The following PPM1D variants were observed in gnomAD, a reference collection of about 807,000 sequenced individuals.
PPM1D encodes protein phosphatase 1D.
Under a neutral mutation model 58.3 loss-of-function variants are expected in PPM1D, and 52 were observed. That is an observed-to-expected ratio of 0.89 (90% CI 0.71 to 1.12). The LOEUF (loss-of-function observed/expected upper bound fraction) is 1.12, where lower values mean the gene tolerates loss of function less well. Ranked by LOEUF, PPM1D falls within the 50% of genes most tolerant of loss-of-function variation. The pLI is 0.00. For missense variants in PPM1D, 564 were observed against 777.2 expected (o/e 0.73, Z 3.26); for synonymous variants, 278 against 285.1 (o/e 0.98, Z 0.25).
chr17:60,602,133 C>T (rs935141089), intron 1 of PPM1D, among the ~76,000 whole-genome samples: 1 of 152,186 alleles, frequency 6.6e-6, no homozygotes, highest in African/African-American at 2.4e-5. Flanking sequence ...AGCCACTAGG[C>T]TTGTTGGAGG....
chr17:60,605,771 G>A (rs2030317040), intron 1 of PPM1D, among the ~76,000 whole-genome samples: 1 of 152,126 alleles, frequency 6.6e-6, no homozygotes, highest in Non-Finnish European at 1.5e-5. Context: ...CGCACGTGGT[G>A]GTGTGTACCT....
intron 4 of PPM1D, among the ~76,000 whole-genome samples, chr17:60,648,690 C>T (rs568793778): frequency 4.0e-5 from 6 of 151,696 alleles, no homozygotes; most frequent in Non-Finnish European, 7.4e-5. Context: ...AAAATTTATC[C>T]TTTTAAAGTG....
chr17:60,637,617 A>G (rs1057487761), intron 3 of PPM1D, among the ~76,000 whole-genome samples: 14 of 152,068 alleles, frequency 9.2e-5, no homozygotes, highest in African/African-American at 3.1e-4. Flanking sequence ...GGAGCTTTCA[A>G]TTTGGGGGAG....
At chr17:60,649,618 G>A (rs975315652) in intron 4 of PPM1D, among the ~76,000 whole-genome samples, 1 of 151,940 alleles carries the variant, frequency 6.6e-6, no homozygotes, top group Non-Finnish European at 1.5e-5. Context: ...GAACCCAGGA[G>A]GCAGAGGTCG....
At chr17:60,604,583 AC>A (rs2030290165) in intron 1 of PPM1D, 1 of 152,144 alleles carries the variant, frequency 6.6e-6, no homozygotes, top group Non-Finnish European at 1.5e-5. Context: ...ACATGGCAAG[AC>A]CCTGTTGCTA....
At position 60,600,256 on chromosome 17, in the gene PPM1D, A is replaced by C; in HGVS notation, c.-159A>C. The C allele has an allele frequency of 7.3e-7, 1 of 1,368,034 alleles. No individual in the cohort carries two copies. The highest frequency in any genetic ancestry group is 2.7e-4 in the Middle Eastern group (1 of 3,754). 84.7% of individuals were successfully genotyped at this position (1,368,034 alleles called of 1,614,324 possible). On this transcript the variant is annotated 5_prime_UTR_variant, in exon 1 of 6. Coordinates refer to ENST00000305921, the MANE Select transcript of PPM1D (RefSeq NM_003620.4). ...CGCTCCGGCCCAGCTCTCGCGGACA[A>C]GTCCAGACATCGCGCGCCCCCCCTT... is the stretch of plus-strand genomic sequence containing the variant.
Position 60,600,250 on chromosome 17 carries a change from C to G in PPM1D, c.-165C>G. ...CTCCGGCGCTCCGGCCCAGCTCTCG[C>G]GGACAAGTCCAGACATCGCGCGCCC... On this transcript the variant is annotated 5_prime_UTR_variant, in exon 1 of 6. Transcript: ENST00000305921. 1 of 1,345,968 alleles carries G rather than the reference C, an allele frequency of 7.4e-7. No homozygotes were observed. The highest frequency in any genetic ancestry group is 9.8e-7 in the Non-Finnish European group (1 of 1,023,440). The allele number at this position is 1,345,968 out of a possible 1,614,324, so 83.4% of individuals were successfully genotyped here.
At chr17:60,650,335 G>A (rs1002220247) in intron 4 of PPM1D, among the ~76,000 whole-genome samples, 1 of 152,178 alleles carries the variant, frequency 6.6e-6, no homozygotes, top group African/African-American at 2.4e-5. Context: ...TGGATCACTT[G>A]AGGTCAGGAG....
chr17:60,600,773 TGTGGGGTTTCATCAA>T lies in PPM1D; in HGVS notation c.361_375del (p.Trp121_Lys125del). 1 of 1,612,626 alleles carries T rather than the reference TGTGGGGTTTCATCAA, an allele frequency of 6.2e-7. No individual in the cohort carries two copies. The highest frequency in any genetic ancestry group is 2.2e-5 in the East Asian group (1 of 44,784). Reference sequence around the variant, plus strand: ...GCGGCACAGTTTGCCCGGGAGCACTTGTGGGGTTTCATCAAGAAGCAGAAGGGTTTCACCTCGTCC... The same window carrying T: ...GCGGCACAGTTTGCCCGGGAGCACTTGAAGCAGAAGGGTTTCACCTCGTCC... On this transcript the variant is annotated inframe_deletion, in exon 1 of 6. Transcript: ENST00000305921.
chr17:60,626,487 T>C (rs1036665234), intron 2 of PPM1D, among the ~76,000 whole-genome samples: 3 of 151,446 alleles, frequency 2.0e-5, no homozygotes, highest in South Asian at 2.1e-4. Context: ...CTCGGCCTCC[T>C]GGGTTCATGC....
intron 5 of PPM1D, among the ~76,000 whole-genome samples, chr17:60,660,892 T>C (rs922772317): frequency 6.6e-6 from 1 of 152,144 alleles, no homozygotes; most frequent in Non-Finnish European, 1.5e-5. Context: ...CTATGATAAG[T>C]ATACTTTTAT....
Position 60,637,875 on chromosome 17 carries a change from C to T in PPM1D, c.826+3898C>T, listed in dbSNP as rs770530921. 8.7e-4 allele frequency among the ~76,000 whole-genome samples: 132 copies of T among 152,054 alleles called. 1 individual carries two copies. The highest frequency in any genetic ancestry group is 1.3e-3 in the Non-Finnish European group (91 of 68,006). ...AAGTCAAATAGGAAATTTGGGTTAG[C>T]GTACCCTGGAAGCTAAGTGAAGAAA... On this transcript the variant is annotated intron_variant, in intron 3 of 5. Coordinates refer to ENST00000305921, the MANE Select transcript of PPM1D (RefSeq NM_003620.4).
chr17:60,657,137 A>G, intron 5 of PPM1D: 1 of 1,165,442 alleles, frequency 8.6e-7, no homozygotes. Flanking sequence ...ACTTAAATAT[A>G]TTTTATTTGA....
intron 1 of PPM1D, among the ~76,000 whole-genome samples, chr17:60,613,897 C>T (rs1287381019): frequency 8.0e-5 from 11 of 138,198 alleles, no homozygotes; most frequent in Non-Finnish European, 1.4e-4. Flanking sequence ...GAGGCCCCCC[C>T]CCCGCCACCC....
intron 3 of PPM1D, among the ~76,000 whole-genome samples, chr17:60,643,342 A>C (rs570348721): frequency 1.3e-5 from 2 of 151,838 alleles, no homozygotes; most frequent in South Asian, 4.2e-4. Context: ...GATCGCACCA[A>C]TGCACTCCAT....
At chr17:60,608,826 C>T (rs2030388408) in intron 1 of PPM1D, among the ~76,000 whole-genome samples, 1 of 151,638 alleles carries the variant, frequency 6.6e-6, no homozygotes, top group African/African-American at 2.4e-5. Flanking sequence ...TGGCTCACTG[C>T]AAGCTCTGCC....
At position 60,664,702 on chromosome 17, in the gene PPM1D, A is replaced by G. The variant is rs2031587664; in HGVS notation, c.*1150A>G. ...CTGAAAAAGTTTCTGATTCTGGAGC[A>G]TTTTGGATTTTGGATTTTCAGATTA... On this transcript the variant is annotated 3_prime_UTR_variant, in exon 6 of 6. Coordinates refer to ENST00000305921, the MANE Select transcript of PPM1D (RefSeq NM_003620.4). 1 of 152,224 alleles carries G rather than the reference A, an allele frequency of 6.6e-6. No individual in the cohort carries two copies. The highest frequency in any genetic ancestry group is 1.5e-5 in the Non-Finnish European group (1 of 68,058). 9.4% of individuals were successfully genotyped at this position (152,224 alleles called of 1,614,324 possible). A position where few individuals can be genotyped will look rare whatever the true frequency, so the allele number is the denominator to read the frequency against.
rs747000825 is a variant in PPM1D at position 60,656,790 on chromosome 17, T to C, written c.1209T>C (p.Ser403=). Residue 403 remains serine (S), a synonymous_variant, in exon 5 of 6, where the codon AGT becomes AGC. Coordinates refer to ENST00000305921, the MANE Select transcript of PPM1D (RefSeq NM_003620.4). ...LNLTDSPSYN[S]QETCVMTPSP... ...TGACTGACAGCCCTTCCTATAATAG[T>C]CAAGAAACCTGTGTGATGACTCCTT... 4.8e-5 allele frequency: 77 copies of C among 1,614,040 alleles called. No individual in the cohort carries two copies. Among genetic ancestry groups the C allele is most frequent in the Non-Finnish European group, 5.7e-5 (67 of 1,180,038 alleles).
intron 3 of PPM1D, among the ~76,000 whole-genome samples, chr17:60,647,059 T>C (rs1015578805): frequency 1.3e-5 from 2 of 152,228 alleles, no homozygotes; most frequent in African/African-American, 4.8e-5. Flanking sequence ...TTGTCCTTTT[T>C]CTTCAAAATT....
Sources: gnomAD v4.1 joint callset for allele counts (sites outside exome capture counted in the v4.1 genomes callset) on GRCh38, gnomAD v4.1.1 for gene constraint, MANE v1.5 for transcripts, NCBI Gene and HGNC (gene_info 2026-07-23, HGNC 2026-07-21) for gene names.